Variants in PPM1L observed in about 807,000 individuals in gnomAD.
PPM1L encodes protein phosphatase, Mg2+/Mn2+ dependent 1L.
Under a neutral mutation model 31.4 loss-of-function variants are expected in PPM1L, and 13 were observed. The ratio of observed to expected loss-of-function variants is 0.41; its 90% CI spans 0.27 to 0.66. The LOEUF (loss-of-function observed/expected upper bound fraction) is 0.66, where lower values mean the gene tolerates loss of function less well. Among genes scored for constraint, PPM1L ranks in the 30% least tolerant of loss-of-function variants. The pLI is 0.29. For synonymous variants in PPM1L, 184 were observed against 175.4 expected, an observed-to-expected ratio of 1.05 and a Z score of -0.39; for missense variants, 326 against 453.7, an observed-to-expected ratio of 0.72 and a Z score of 2.56.
chr3:160,924,807 A>G (rs1714531084), intron 1 of PPM1L, among the ~76,000 whole-genome samples: 2 of 152,210 alleles, frequency 1.3e-5, no homozygotes, highest in Admixed American at 6.5e-5. Flanking sequence ...GAGATAGGTC[A>G]GTTATGGTAC....
At chr3:160,943,983 T>A (rs1310957641) in intron 1 of PPM1L, among the ~76,000 whole-genome samples, 1 of 152,184 alleles carries the variant, frequency 6.6e-6, no homozygotes, top group African/African-American at 2.4e-5. Context: ...ATTTTTCTCA[T>A]CTCTTTCCAT....
intron 1 of PPM1L, among the ~76,000 whole-genome samples, chr3:160,782,829 A>G (rs1711788470): frequency 6.6e-6 from 1 of 152,234 alleles, no homozygotes; most frequent in African/African-American, 2.4e-5. Context: ...ATTTTTAAAA[A>G]TGCCTAATTC....
chr3:160,855,287 G>C (rs1170023004), intron 1 of PPM1L, among the ~76,000 whole-genome samples: 1 of 152,044 alleles, frequency 6.6e-6, no homozygotes, highest in Non-Finnish European at 1.5e-5. Flanking sequence ...AGAAAACCTA[G>C]GAAATACTAT....
At chr3:161,045,641 T>C (rs1313266181) in intron 2 of PPM1L, among the ~76,000 whole-genome samples, 1 of 152,194 alleles carries the variant, frequency 6.6e-6, no homozygotes, top group African/African-American at 2.4e-5. Context: ...GGGAAATTTA[T>C]AGCACTAAAT....
intron 2 of PPM1L, among the ~76,000 whole-genome samples, chr3:161,006,977 C>T (rs775067727): frequency 4.6e-5 from 7 of 152,256 alleles, no homozygotes; most frequent in Middle Eastern, 6.8e-3. Context: ...CCACCGCGCC[C>T]GGCCCCCTAC....
At chr3:160,932,245 A>G (rs74468515) in intron 1 of PPM1L, among the ~76,000 whole-genome samples, 1 of 152,210 alleles carries the variant, frequency 6.6e-6, no homozygotes, top group East Asian at 1.9e-4. Flanking sequence ...CCACTGTGAT[A>G]TAATATCTGC....
At position 160,756,750 on chromosome 3, in the gene PPM1L, C is replaced by CGTGTG. The variant is rs1284665214; in HGVS notation, c.399+43_399+44insGTGTG. On this transcript the variant is annotated intron_variant, in intron 1 of 3. Coordinates refer to ENST00000498165, the MANE Select transcript of PPM1L (RefSeq NM_139245.4). The surrounding 1 kb of genome is among the most constrained non-coding windows in gnomAD (Gnocchi z 6.2). Reference sequence around the variant, plus strand: ...GCTTTGTATTTGTGTCCGTGTATGTCTCGTGTGTGTGTGTGTGTGTGTGTG... The same window carrying CGTGTG: ...GCTTTGTATTTGTGTCCGTGTATGTCGTGTGTCGTGTGTGTGTGTGTGTGTGTGTG... 3 of 1,239,536 alleles carry CGTGTG rather than the reference C, an allele frequency of 2.4e-6. No homozygotes were observed. Among genetic ancestry groups the CGTGTG allele is most frequent in the East Asian group, 2.7e-5 (1 of 36,854 alleles). 76.8% of individuals were successfully genotyped at this position (1,239,536 alleles called of 1,614,324 possible).
intron 1 of PPM1L, among the ~76,000 whole-genome samples, chr3:160,948,299 C>T (rs1271689671): frequency 1.3e-5 from 2 of 150,424 alleles, no homozygotes; most frequent in African/African-American, 4.8e-5. Context: ...AGCTTTTCCA[C>T]ACAATTAGGT....
chr3:161,060,941 AACTAAT>A lies in PPM1L; in HGVS notation c.575-4460_575-4455del, dbSNP rs1371187612. Among the ~76,000 whole-genome samples, 676 of 152,194 alleles carry A rather than the reference AACTAAT, an allele frequency of 4.4e-3. 3 individuals carry two copies. Among genetic ancestry groups the A allele is most frequent in the African/African-American group, 0.016 (651 of 41,530 alleles). On this transcript the variant is annotated intron_variant, in intron 2 of 3. Coordinates refer to ENST00000498165, the MANE Select transcript of PPM1L (RefSeq NM_139245.4). ...TGATGGAATAAATATTTTATCTCAGAACTAATAGCCAGAATTTTGCAAGTGTTTTGT... is the reference window on the plus strand; with the variant it reads ...TGATGGAATAAATATTTTATCTCAGAAGCCAGAATTTTGCAAGTGTTTTGT...
At chr3:160,897,042 C>CT (rs11298068) in intron 1 of PPM1L, among the ~76,000 whole-genome samples, 6,246 of 107,386 alleles carry the variant, frequency 0.058, 305 homozygotes, top group South Asian at 0.11. Context: ...ACTACTGACT[C>CT]TTTTTTTTTT....
At chr3:160,869,147 T>C (rs1375624234) in intron 1 of PPM1L, among the ~76,000 whole-genome samples, 1 of 152,216 alleles carries the variant, frequency 6.6e-6, no homozygotes, top group East Asian at 1.9e-4. Flanking sequence ...TTCATGGGAT[T>C]GTTATGAGGC....
chr3:160,973,764 GTTT>G (rs75599237), intron 2 of PPM1L, among the ~76,000 whole-genome samples: 53 of 88,456 alleles, frequency 6.0e-4, no homozygotes, highest in African/African-American at 1.4e-3. Flanking sequence ...GAAAGGCCCT[GTTT>G]TTTTTTTTTT....
chr3:160,879,933 A>ATGAT (rs973442343), intron 1 of PPM1L, among the ~76,000 whole-genome samples: 2 of 152,106 alleles, frequency 1.3e-5, no homozygotes, highest in Non-Finnish European at 2.9e-5. Context: ...GTGTGTTGAG[A>ATGAT]TGATGCTTCC....
In PPM1L at chr3:160,886,240, G is replaced by A. The variant is rs1377318284; in HGVS notation, c.400-75496G>A. 2.0e-5 allele frequency among the ~76,000 whole-genome samples: 3 copies of A among 152,242 alleles called. No individual in the cohort carries two copies. The East Asian group carries it at 5.8e-4, about 29-fold the overall frequency. On this transcript the variant is annotated intron_variant, in intron 1 of 3. Coordinates refer to ENST00000498165, the MANE Select transcript of PPM1L (RefSeq NM_139245.4). ...TGTGCCCCTAGTGGGAGGGATGGCT[G>A]TAGTCTCTGTGGACCAGCAGACTTA...
At chr3:161,064,020 G>C (rs1037514124) in intron 2 of PPM1L, among the ~76,000 whole-genome samples, 11 of 151,988 alleles carry the variant, frequency 7.2e-5, no homozygotes, top group African/African-American at 2.7e-4. Flanking sequence ...GGTCTGTCAG[G>C]GGGTGTGGGG....
chr3:161,018,401 C>T (rs968280118), intron 2 of PPM1L, among the ~76,000 whole-genome samples: 1 of 152,130 alleles, frequency 6.6e-6, no homozygotes, highest in African/African-American at 2.4e-5. Flanking sequence ...CATATGTTCT[C>T]TCTTCTTTCT....
chr3:160,807,749 T>C (rs753016098), intron 1 of PPM1L, among the ~76,000 whole-genome samples: 3 of 151,864 alleles, frequency 2.0e-5, no homozygotes, highest in Non-Finnish European at 2.9e-5. Flanking sequence ...CATTTATGAA[T>C]TGGGATTGCT....
intron 1 of PPM1L, among the ~76,000 whole-genome samples, chr3:160,866,401 A>G (rs1219314951): frequency 6.6e-6 from 1 of 152,176 alleles, no homozygotes; most frequent in East Asian, 1.9e-4. Context: ...AAACTTTACA[A>G]TTTCATTCTG....
intron 1 of PPM1L, among the ~76,000 whole-genome samples, chr3:160,943,985 T>A (rs1373128060): frequency 6.6e-6 from 1 of 152,198 alleles, no homozygotes; most frequent in Non-Finnish European, 1.5e-5. Flanking sequence ...TTTTCTCATC[T>A]CTTTCCATAA....
Sources: gnomAD v4.1 joint callset for allele counts (sites outside exome capture counted in the v4.1 genomes callset) on GRCh38, gnomAD v4.1.1 for gene constraint, Gnocchi (gnomAD v3.1) non-coding constraint, MANE v1.5 for transcripts, NCBI Gene and HGNC (gene_info 2026-07-23, HGNC 2026-07-21) for gene names.